The following SCFD2 variants were observed in gnomAD, a reference collection of about 807,000 sequenced individuals.
SCFD2 encodes the protein sec1 family domain-containing protein 2.
In SCFD2, 54 loss-of-function variants were observed where a neutral mutation model predicts 58.9. The observed-to-expected ratio is 0.92, with a 90% confidence interval of 0.74 to 1.15. SCFD2 has a LOEUF of 1.15. Ranked by LOEUF, SCFD2 falls within the 50% of genes most tolerant of loss-of-function variation. The pLI, the probability that SCFD2 is intolerant of heterozygous loss-of-function variation, is 0.00. For synonymous variants in SCFD2, 321 were observed against 335.9 expected, an observed-to-expected ratio of 0.96 and a Z score of 0.49; for missense variants, 805 against 836.6, an observed-to-expected ratio of 0.96 and a Z score of 0.47.
chr4:52,937,503 C>T (rs914523251), intron 5 of SCFD2, among the ~76,000 whole-genome samples: 3 of 152,198 alleles, frequency 2.0e-5, no homozygotes, highest in Non-Finnish European at 2.9e-5. Flanking sequence ...GTAGAGAGCA[C>T]ACAAGCTCTG....
At chr4:52,997,292 A>C (rs533824286) in intron 5 of SCFD2, among the ~76,000 whole-genome samples, 1 of 152,356 alleles carries the variant, frequency 6.6e-6, no homozygotes, top group South Asian at 2.1e-4. Flanking sequence ...CTCCCACTCA[A>C]GCCCCAAAAG....
intron 5 of SCFD2, among the ~76,000 whole-genome samples, chr4:53,043,527 T>C (rs1208222883): frequency 6.6e-6 from 1 of 152,160 alleles, no homozygotes; most frequent in Non-Finnish European, 1.5e-5. Flanking sequence ...GAAAAAATAA[T>C]AATTATCTGG....
chr4:53,132,444 AG>A (rs1371696379), intron 5 of SCFD2, among the ~76,000 whole-genome samples: 7 of 152,130 alleles, frequency 4.6e-5, no homozygotes, highest in African/African-American at 1.7e-4. Context: ...AAGTATTTAA[AG>A]CTGTTTTTTG....
intron 5 of SCFD2, among the ~76,000 whole-genome samples, chr4:52,932,051 A>G (rs1374915919): frequency 2.0e-5 from 3 of 152,190 alleles, no homozygotes; most frequent in Non-Finnish European, 4.4e-5. Context: ...CATCAGGTAC[A>G]CTATTTCTGC....
At chr4:53,244,778 A>G (rs148084167) in intron 4 of SCFD2, among the ~76,000 whole-genome samples, 95 of 151,672 alleles carry the variant, frequency 6.3e-4, no homozygotes, top group South Asian at 1.9e-3. Context: ...GATGTGAAAA[A>G]CCATTCAAAA....
chr4:53,157,379 GTAGAGTT>G (rs1726722263), intron 4 of SCFD2, among the ~76,000 whole-genome samples: 1 of 152,172 alleles, frequency 6.6e-6, no homozygotes, highest in Non-Finnish European at 1.5e-5. Flanking sequence ...ATCACTACTT[GTAGAGTT>G]TAGATACAGC....
At chr4:53,271,313 A>ATG (rs1049935238) in intron 4 of SCFD2, among the ~76,000 whole-genome samples, 1 of 147,650 alleles carries the variant, frequency 6.8e-6, no homozygotes, top group Admixed American at 6.8e-5. Flanking sequence ...ACACACACAC[A>ATG]CGCACACACA....
At chr4:53,073,912 G>A (rs745680981) in intron 5 of SCFD2, among the ~76,000 whole-genome samples, 4 of 152,132 alleles carry the variant, frequency 2.6e-5, no homozygotes, top group Non-Finnish European at 5.9e-5. Context: ...GACTTGCCTT[G>A]ATGTTGATGG....
At chr4:52,886,329 G>A (rs1251243025) in intron 7 of SCFD2, among the ~76,000 whole-genome samples, 3 of 152,146 alleles carry the variant, frequency 2.0e-5, no homozygotes. Context: ...TTCGGTTGGG[G>A]GACCACCCTT....
intron 3 of SCFD2, among the ~76,000 whole-genome samples, chr4:53,304,101 AT>A (rs1341171624): frequency 2.8e-4 from 2 of 7,150 alleles, no homozygotes; most frequent in Non-Finnish European, 3.0e-3. Flanking sequence ...TTAAATAATA[AT>A]AAAAAAAAAA....
At chr4:53,272,417 C>T (rs1182190044) in intron 4 of SCFD2, among the ~76,000 whole-genome samples, 1 of 152,162 alleles carries the variant, frequency 6.6e-6, no homozygotes, top group Non-Finnish European at 1.5e-5. Context: ...TTTATTGCAG[C>T]ACTATTCACA....
At chr4:53,030,041 A>G (rs180920190) in intron 5 of SCFD2, among the ~76,000 whole-genome samples, 1 of 152,340 alleles carries the variant, frequency 6.6e-6, no homozygotes, top group African/African-American at 2.4e-5. Context: ...GAACAAAATG[A>G]AAAACACAGT....
intron 4 of SCFD2, among the ~76,000 whole-genome samples, chr4:53,188,241 G>A (rs1727792021): frequency 6.6e-6 from 1 of 152,144 alleles, no homozygotes; most frequent in Admixed American, 6.5e-5. Context: ...TGATCTGTAT[G>A]GTTATAGTTG....
chr4:52,876,332 C>G (rs756132746), intron 8 of SCFD2, among the ~76,000 whole-genome samples: 1 of 152,134 alleles, frequency 6.6e-6, no homozygotes, highest in African/African-American at 2.4e-5. Context: ...TCCTAGATCT[C>G]CTTTTGAATC....
chr4:53,220,924 G>T (rs1345581631), intron 4 of SCFD2, among the ~76,000 whole-genome samples: 1 of 152,144 alleles, frequency 6.6e-6, no homozygotes, highest in African/African-American at 2.4e-5. Flanking sequence ...AACAAAATTT[G>T]CTACACTGGA....
intron 5 of SCFD2, among the ~76,000 whole-genome samples, chr4:53,067,675 T>TC (rs1193367626): frequency 6.6e-6 from 1 of 152,050 alleles, no homozygotes; most frequent in Admixed American, 6.6e-5. Context: ...CATGTTTGCT[T>TC]CCCCTTCTGC....
chr4:53,257,429 A>G (rs895546356), intron 4 of SCFD2, among the ~76,000 whole-genome samples: 3 of 152,172 alleles, frequency 2.0e-5, no homozygotes, highest in Admixed American at 2.0e-4. Flanking sequence ...GGCGCCTCCT[A>G]AGCGGAGAAG....
At chr4:53,282,351 ATTC>A (rs935572351) in intron 3 of SCFD2, among the ~76,000 whole-genome samples, 76 of 152,024 alleles carry the variant, frequency 5.0e-4, no homozygotes, top group African/African-American at 1.4e-3. Flanking sequence ...TTCTTTCTAT[ATTC>A]TCTCTCCTTT....
At chr4:53,115,393 C>T (rs1725291763) in intron 5 of SCFD2, among the ~76,000 whole-genome samples, 1 of 152,128 alleles carries the variant, frequency 6.6e-6, no homozygotes, top group South Asian at 2.1e-4. Context: ...CTGTTCTTTA[C>T]TTAGTGCCAG....
Sources: gnomAD v4.1 joint callset for allele counts (sites outside exome capture counted in the v4.1 genomes callset) on GRCh38, gnomAD v4.1.1 for gene constraint, MANE v1.5 for transcripts, NCBI Gene and HGNC (gene_info 2026-07-23, HGNC 2026-07-21) for gene names.